ACTR6: variants seen among roughly 807,000 people sequenced by gnomAD.
The protein encoded by ACTR6 is actin-related protein 6.
Under a neutral mutation model 52.5 loss-of-function variants are expected in ACTR6, and 50 were observed. The ratio of observed to expected loss-of-function variants is 0.95; its 90% confidence interval spans 0.76 to 1.20. The LOEUF is 1.20. Among genes scored for constraint, ACTR6 ranks in the 50% most tolerant of loss-of-function variants. The pLI is 0.00. For missense variants in ACTR6, 344 were observed against 472.4 expected, an observed-to-expected ratio of 0.73 and a Z score of 2.52; for synonymous variants, 135 against 147.2, an observed-to-expected ratio of 0.92 and a Z score of 0.60.
chr12:100,220,082 G>T lies in ACTR6; in HGVS notation c.997G>T (p.Val333Phe), dbSNP rs1474460830. Residue 333 changes from valine (V) to phenylalanine (F), a missense_variant, in exon 10 of 11, where the codon GTT becomes TTT. Transcript: ENST00000188312. ...CCTTTTCCCAGGATTTAGGGATCGG[G>T]TTTACTCAGAAGTTCGATGTCTTAC... is the stretch of plus-strand genomic sequence containing the variant. ...NSLFPGFRDR[V>F]YSEVRCLTPT... 4.3e-6 allele frequency: 7 copies of T among 1,613,786 alleles called. No homozygotes were observed. Among genetic ancestry groups the T allele is most frequent in the Non-Finnish European group, 5.9e-6 (7 of 1,179,936 alleles).
At chr12:100,216,646 A>G (rs1159542686) in intron 8 of ACTR6, among the ~76,000 whole-genome samples, 2 of 152,230 alleles carry the variant, frequency 1.3e-5, no homozygotes, top group Non-Finnish European at 2.9e-5. Context: ...TAAGTCTGCA[A>G]CTATCTCAGG....
intron 10 of ACTR6, among the ~76,000 whole-genome samples, chr12:100,222,373 C>T (rs1045630686): frequency 6.6e-6 from 1 of 151,172 alleles, no homozygotes; most frequent in African/African-American, 2.4e-5. Flanking sequence ...CCTTTCACCA[C>T]AGCCTTCCAT....
rs1785418112 is a variant in ACTR6, at chr12:100,218,589, AC to A, written c.922+4del. The A allele has an allele frequency of 1.4e-6, 2 of 1,475,138 alleles. No individual in the cohort carries two copies. Among genetic ancestry groups the A allele is most frequent in the Non-Finnish European group, 1.8e-6 (2 of 1,106,122 alleles). The allele number at this position is 1,475,138 out of a possible 1,614,324, so 91.4% of individuals were successfully genotyped here. A position where few individuals can be genotyped will look rare whatever the true frequency, so the allele number is the denominator to read the frequency against. On this transcript the variant is annotated splice_donor_region_variant and intron_variant, in intron 9 of 10. Transcript: ENST00000188312. The surrounding 1 kb of genome is among the most constrained non-coding windows in gnomAD (Gnocchi z 4.2). ...TTCAATTCAAAATCTACCTGAAGGTACATAAATAGAGTAAAATACTAAAGAA... is the reference window on the plus strand; with the variant it reads ...TTCAATTCAAAATCTACCTGAAGGTAATAAATAGAGTAAAATACTAAAGAA...
chr12:100,218,498 G>A lies in ACTR6; in HGVS notation c.834G>A (p.Pro278=), dbSNP rs138563154. The change falls in exon 9 of 11, where the codon CCG becomes CCA. Residue 278 remains proline, a synonymous_variant. Coordinates refer to ENST00000188312, the MANE Select transcript of ACTR6 (RefSeq NM_022496.5). This position sits in a 1 kb window ranked among gnomAD's most constrained non-coding sequence, Gnocchi z 4.2. ...TGGCCAATGAGAGATTTGCTGTTCC[G>A]GAAATACTCTTTAATCCTTCTGATA... ...LRLANERFAV[P]EILFNPSDIG... is the part of the protein sequence containing the mutation. 5.7e-5 allele frequency: 91 copies of A among 1,605,716 alleles called. No homozygotes were observed. Among genetic ancestry groups the A allele is most frequent in the East Asian group, 9.0e-5 (4 of 44,216 alleles).
intron 8 of ACTR6, among the ~76,000 whole-genome samples, chr12:100,213,182 T>A (rs2096121380): frequency 6.6e-6 from 1 of 151,224 alleles, no homozygotes; most frequent in South Asian, 2.2e-4. Flanking sequence ...AGCCTTTACC[T>A]CCCAGGCCCA....
intron 8 of ACTR6, among the ~76,000 whole-genome samples, chr12:100,215,816 G>A (rs2096123496): frequency 6.6e-6 from 1 of 151,962 alleles, no homozygotes; most frequent in Non-Finnish European, 1.5e-5. Context: ...TTTAATACTT[G>A]ATTAAAATAA....
Position 100,210,062 on chromosome 12 carries a change from T to G in ACTR6, c.380-11T>G. 1.3e-6 allele frequency: 2 copies of G among 1,564,768 alleles called. No individual in the cohort carries two copies. The highest frequency in any genetic ancestry group is 1.7e-6 in the Non-Finnish European group (2 of 1,164,362). ...ATATTTTTGTTCACTTTTTTATCTT[T>G]TTTTAAATAGCTGGGGCTCTCAGTG... On this transcript the variant is annotated splice_polypyrimidine_tract_variant and intron_variant, in intron 4 of 10. Coordinates refer to ENST00000188312, the MANE Select transcript of ACTR6 (RefSeq NM_022496.5).
chr12:100,215,027 A>C (rs1446606521), intron 8 of ACTR6, among the ~76,000 whole-genome samples: 1 of 152,172 alleles, frequency 6.6e-6, no homozygotes, highest in African/African-American at 2.4e-5. Flanking sequence ...TGGAAATTTT[A>C]TGGTACTCTA....
chr12:100,208,904 A>G, intron 4 of ACTR6: 1 of 380,606 alleles, frequency 2.6e-6, no homozygotes. Context: ...GTGCTGCCAC[A>G]TCTGGCTGAT....
chr12:100,210,561 A>G (rs1383603892), intron 6 of ACTR6, among the ~76,000 whole-genome samples: 1 of 152,052 alleles, frequency 6.6e-6, no homozygotes, highest in Non-Finnish European at 1.5e-5. Flanking sequence ...TCTACTAAAA[A>G]TACAAAAATT....
At chr12:100,205,365 G>A in intron 2 of ACTR6, 1 of 285,050 alleles carries the variant, frequency 3.5e-6, no homozygotes, top group Non-Finnish European at 6.3e-6. Context: ...GCTTATTTGT[G>A]AGTTTGTTTT....
At position 100,218,483 on chromosome 12, in the gene ACTR6, G is replaced by A. The variant is rs1171167179; in HGVS notation, c.819G>A (p.Glu273=). ...AACAAATTCTTCGTTTGGCCAATGA[G>A]AGATTTGCTGTTCCGGAAATACTCT... ...SGEQILRLAN[E]RFAVPEILFN... is the part of the protein sequence containing the mutation. Residue 273 remains glutamate, a synonymous_variant, in exon 9 of 11, where the codon GAG becomes GAA. Transcript: ENST00000188312. This position sits in a 1 kb window ranked among gnomAD's most constrained non-coding sequence, Gnocchi z 4.2. 3 of 1,608,514 alleles carry A rather than the reference G, an allele frequency of 1.9e-6. No individual in the cohort carries two copies. The highest frequency in any genetic ancestry group is 4.5e-5 in the East Asian group (2 of 44,392).
intron 4 of ACTR6, chr12:100,208,751 T>TG (rs1451820305): frequency 2.2e-6 from 1 of 455,972 alleles, no homozygotes; most frequent in Non-Finnish European, 4.4e-6. Context: ...ATTGTTTGTT[T>TG]GTTTGTTTTT....
At chr12:100,202,377 T>C (rs1161027899) in intron 1 of ACTR6, among the ~76,000 whole-genome samples, 1 of 152,124 alleles carries the variant, frequency 6.6e-6, no homozygotes, top group Non-Finnish European at 1.5e-5. Flanking sequence ...AAATACAACC[T>C]GAGACTGATA....
In ACTR6 at chr12:100,218,293, C is replaced by A; in HGVS notation, c.751-122C>A. On this transcript the variant is annotated intron_variant, in intron 8 of 10. Coordinates refer to ENST00000188312, the MANE Select transcript of ACTR6 (RefSeq NM_022496.5). The surrounding 1 kb of genome is among the most constrained non-coding windows in gnomAD (Gnocchi z 4.2). ...CTTCTAAATTTTGAGAATCCTGAAA[C>A]TTCCAAGAACATTATTAATATATTA... The A allele has an allele frequency of 1.6e-6, 1 of 626,060 alleles. No homozygotes were observed. The highest frequency in any genetic ancestry group is 7.3e-5 in the South Asian group (1 of 13,748). The allele number at this position is 626,060 out of a possible 1,614,324, so 38.8% of individuals were successfully genotyped here.
chr12:100,203,533 G>A (rs1566290162), intron 1 of ACTR6: 1 of 151,864 alleles, frequency 6.6e-6, no homozygotes, highest in Non-Finnish European at 1.5e-5. Context: ...TTAAACTCCT[G>A]ACCTCATGAT....
At position 100,212,361 on chromosome 12, in the gene ACTR6, A is replaced by G; in HGVS notation, c.671+7A>G. The G allele has an allele frequency of 6.2e-7, 1 of 1,600,658 alleles. No individual in the cohort carries two copies. Among genetic ancestry groups the G allele is most frequent in the South Asian group, 1.1e-5 (1 of 90,570 alleles). ...GAGACATGGATATTGCAAAGTATGT[A>G]TAATGACAATCTAAGAATTGGAAAG... is the stretch of plus-strand genomic sequence containing the variant. On this transcript the variant is annotated splice_region_variant and intron_variant, in intron 7 of 10. Coordinates refer to ENST00000188312, the MANE Select transcript of ACTR6 (RefSeq NM_022496.5).
At chr12:100,223,761 G>T in intron 10 of ACTR6, 25 bp from the exon 11 acceptor site, 1 of 1,586,992 alleles carries the variant, frequency 6.3e-7, no homozygotes, top group Non-Finnish European at 8.5e-7. Context: ...AAATCATCTG[G>T]GTTCATTTAT....
chr12:100,221,574 A>G (rs1055754136), intron 10 of ACTR6: 2 of 152,058 alleles, frequency 1.3e-5, no homozygotes, highest in Non-Finnish European at 2.9e-5. Context: ...ATGTATAAAT[A>G]TATGTGTATA....
Sources: allele counts gnomAD v4.1 joint callset (sites outside exome capture counted in the v4.1 genomes callset), GRCh38; gene constraint gnomAD v4.1.1; non-coding constraint Gnocchi (gnomAD v3.1); transcripts MANE v1.5; gene names NCBI Gene and HGNC (gene_info 2026-07-23, HGNC 2026-07-21).